Variants in TIAM1 observed in about 807,000 individuals in gnomAD.
TIAM1 encodes the protein TIAM Rac1 associated GEF 1.
TIAM1 carries 65 observed loss-of-function variants against 163.5 expected under a neutral mutation model. That is an observed-to-expected ratio of 0.40 (90% CI 0.33 to 0.49). The LOEUF (loss-of-function observed/expected upper bound fraction) is 0.49, where lower values mean the gene tolerates loss of function less well. TIAM1 is among the 20% of genes least tolerant of loss of function. The pLI is 0.77. For missense variants in TIAM1, 1,789 were observed against 2,044.7 expected, an observed-to-expected ratio of 0.87 and a Z score of 2.41; for synonymous variants, 833 against 810.1, an observed-to-expected ratio of 1.03 and a Z score of -0.48.
intron 1 of TIAM1, among the ~76,000 whole-genome samples, chr21:31,473,016 A>G (rs2045802488): frequency 6.6e-6 from 1 of 152,108 alleles, no homozygotes; most frequent in Admixed American, 6.6e-5. Flanking sequence ...CCTGGTACCA[A>G]AGATGCACGG....
At chr21:31,430,247 T>TATATATATATAC (rs1491352162) in intron 2 of TIAM1, among the ~76,000 whole-genome samples, 4 of 106,936 alleles carry the variant, frequency 3.7e-5, no homozygotes, top group African/African-American at 1.5e-4. Flanking sequence ...TATATATATA[T>TATATATATATAC]ACACACACAC....
intron 12 of TIAM1, among the ~76,000 whole-genome samples, chr21:31,202,278 G>T (rs112405653): frequency 2.6e-5 from 4 of 151,984 alleles, no homozygotes; most frequent in Admixed American, 2.6e-4. Context: ...CTGGCCGTGC[G>T]CAGTGGCTCA....
At chr21:31,498,313 T>C (rs770635316) in intron 1 of TIAM1, among the ~76,000 whole-genome samples, 1 of 152,200 alleles carries the variant, frequency 6.6e-6, no homozygotes, top group African/African-American at 2.4e-5. Context: ...TTAAACTTCA[T>C]GGGACTTGAG....
At chr21:31,152,126 A>G (rs13048901) in intron 19 of TIAM1, among the ~76,000 whole-genome samples, 81,684 of 149,628 alleles carry the variant, frequency 0.55, 22,770 homozygotes, top group African/African-American at 0.67. Context: ...TCTGCATCTC[A>G]GGTTCAAGCG....
At chr21:31,404,979 T>C (rs1374870586) in intron 2 of TIAM1, among the ~76,000 whole-genome samples, 2 of 139,976 alleles carry the variant, frequency 1.4e-5, no homozygotes, top group Admixed American at 7.2e-5. Flanking sequence ...ATAGTGGGCA[T>C]GCCTGTAATC....
intron 2 of TIAM1, among the ~76,000 whole-genome samples, chr21:31,382,754 G>A (rs137877599): frequency 5.3e-5 from 8 of 152,096 alleles, no homozygotes; most frequent in East Asian, 1.9e-4. Context: ...CAAAAAACAC[G>A]GCAAACAAAC....
At chr21:31,265,416 C>T (rs191809211) in intron 4 of TIAM1, among the ~76,000 whole-genome samples, 1 of 151,754 alleles carries the variant, frequency 6.6e-6, no homozygotes, top group East Asian at 1.9e-4. Context: ...TGGAAGCCAC[C>T]CATGTTATTC....
chr21:31,415,850 C>G (rs2147249411), intron 2 of TIAM1, among the ~76,000 whole-genome samples: 1 of 152,248 alleles, frequency 6.6e-6, no homozygotes, highest in Non-Finnish European at 1.5e-5. Context: ...CCCACACTGT[C>G]TCCTCCATGT....
At chr21:31,135,371 T>A (rs1005357311) in intron 23 of TIAM1, among the ~76,000 whole-genome samples, 1 of 152,186 alleles carries the variant, frequency 6.6e-6, no homozygotes, top group Non-Finnish European at 1.5e-5. Flanking sequence ...AATAAGTCAT[T>A]CGCAAACATC....
intron 2 of TIAM1, among the ~76,000 whole-genome samples, chr21:31,371,732 A>G (rs2076599604): frequency 6.6e-6 from 1 of 152,170 alleles, no homozygotes; most frequent in African/African-American, 2.4e-5. Context: ...TCACTTGTAC[A>G]ATTACTTGTC....
intron 2 of TIAM1, among the ~76,000 whole-genome samples, chr21:31,407,377 C>A (rs557686147): frequency 2.6e-5 from 4 of 152,104 alleles, no homozygotes; most frequent in Middle Eastern, 6.8e-3. Context: ...ATGGTGGGAC[C>A]GAAACACGAA....
At chr21:31,446,653 T>C (rs2044635455) in intron 2 of TIAM1, among the ~76,000 whole-genome samples, 1 of 152,088 alleles carries the variant, frequency 6.6e-6, no homozygotes, top group South Asian at 2.1e-4. Context: ...GACATAACGA[T>C]GGGAGACAGT....
chr21:31,293,283 G>A (rs1158776514), intron 2 of TIAM1, among the ~76,000 whole-genome samples: 1 of 152,158 alleles, frequency 6.6e-6, no homozygotes, highest in East Asian at 1.9e-4. Context: ...TCAGTCTTCT[G>A]TCTTAAGATC....
At chr21:31,368,609 T>C (rs1478480020) in intron 2 of TIAM1, among the ~76,000 whole-genome samples, 2 of 152,164 alleles carry the variant, frequency 1.3e-5, no homozygotes, top group African/African-American at 4.8e-5. Context: ...TTCAAATAGA[T>C]GCGTGAACAG....
intron 2 of TIAM1, among the ~76,000 whole-genome samples, chr21:31,403,933 C>A (rs1602197592): frequency 6.6e-6 from 1 of 152,086 alleles, no homozygotes; most frequent in South Asian, 2.1e-4. Flanking sequence ...CTCAGCAAAG[C>A]GTGATGGGAT....
chr21:31,357,310 G>A (rs900599725), intron 2 of TIAM1, among the ~76,000 whole-genome samples: 6 of 152,116 alleles, frequency 3.9e-5, no homozygotes, highest in African/African-American at 9.7e-5. Flanking sequence ...TTTCCTTCCA[G>A]ATTCCCAACA....
chr21:31,422,073 A>G (rs2043597044), intron 2 of TIAM1, among the ~76,000 whole-genome samples: 1 of 152,174 alleles, frequency 6.6e-6, no homozygotes, highest in Admixed American at 6.5e-5. Flanking sequence ...TGCCTTGCCA[A>G]CACCTTGACT....
chr21:31,236,889 G>A (rs886135852), intron 6 of TIAM1, among the ~76,000 whole-genome samples: 2 of 152,148 alleles, frequency 1.3e-5, no homozygotes, highest in African/African-American at 4.8e-5. Context: ...GGGAACCTTA[G>A]GCAGGGTTGC....
At chr21:31,152,038 TTTTTTTTTTG>T (rs1334955385) in intron 19 of TIAM1, among the ~76,000 whole-genome samples, 44 of 90,606 alleles carry the variant, frequency 4.9e-4, no homozygotes, top group African/African-American at 2.0e-3. Flanking sequence ...TTTTTTTTTT[TTTTTTTTTTG>T]TAAGACGGAG....
Sources: gnomAD v4.1 joint callset for allele counts (sites outside exome capture counted in the v4.1 genomes callset) on GRCh38, gnomAD v4.1.1 for gene constraint, MANE v1.5 for transcripts, NCBI Gene and HGNC (gene_info 2026-07-23, HGNC 2026-07-21) for gene names.